TMEM165: variants seen among roughly 807,000 people sequenced by gnomAD.
The protein encoded by TMEM165 is putative divalent cation/proton antiporter TMEM165.
A neutral mutation model predicts 30.0 loss-of-function variants in TMEM165; 19 were observed. The observed-to-expected ratio is 0.63, with a 90% confidence interval of 0.44 to 0.93. TMEM165 has a LOEUF of 0.93. Ranked by LOEUF, TMEM165 falls within the 40% of genes least tolerant of loss-of-function variation. The pLI is 0.00. For synonymous variants in TMEM165, 168 were observed against 162.9 expected, an observed-to-expected ratio of 1.03 and a Z score of -0.24; for missense variants, 340 against 417.0, an observed-to-expected ratio of 0.82 and a Z score of 1.61.
In TMEM165 at chr4:55,424,637, A is replaced by G. The variant is rs1310344895; in HGVS notation, c.892A>G (p.Arg298Gly). ...GRMIAQKISVRTVTIIGGIVF... is the reference protein window; with the variant it reads ...GRMIAQKISVGTVTIIGGIVF... The stretch of plus-strand genomic sequence containing the variant: ...AATGATAGCACAGAAAATCTCTGTC[A>G]GAACTGGTAAGTCTTGAAAATTACA... The change falls in exon 5 of 6, where the codon AGA (arginine) becomes GGA (glycine). Residue 298 changes from arginine (R) to glycine (G), a missense_variant. Arg to Gly is a moderately radical substitution (Grantham distance 125). This residue lies in a region of TMEM165 where 220 missense variants were observed against 307.6 expected (regional missense o/e 0.72). Coordinates refer to ENST00000381334, the MANE Select transcript of TMEM165 (RefSeq NM_018475.5). The G allele has an allele frequency of 6.3e-7, 1 of 1,590,216 alleles. No individual in the cohort carries two copies. The highest frequency in any genetic ancestry group is 2.2e-5 in the East Asian group (1 of 44,790).
chr4:55,443,660 A>G, intron 3 of TMEM165: 2 of 1,575,016 alleles, frequency 1.3e-6, no homozygotes, highest in Non-Finnish European at 1.7e-6. Flanking sequence ...TGATCACTCC[A>G]TAGCCCGCTG....
intron 1 of TMEM165, among the ~76,000 whole-genome samples, chr4:55,401,554 A>G (rs1389823316): frequency 6.6e-6 from 1 of 150,504 alleles, no homozygotes; most frequent in Non-Finnish European, 1.5e-5. Context: ...TTGTTATCAT[A>G]TTTTTACTTT....
intron 3 of TMEM165, chr4:55,442,176 G>T: frequency 4.4e-6 from 2 of 458,612 alleles, no homozygotes; most frequent in South Asian, 2.6e-5. Context: ...TTTTCTAACA[G>T]TGTGCTGCAG....
rs535127611 is a variant in TMEM165, at chr4:55,419,728, A to G, written c.792+1743A>G. On this transcript the variant is annotated intron_variant, in intron 4 of 5. Transcript: ENST00000381334. ...CAGATTCTCTTTTTATAAGAGTAAA[A>G]TTGTTTCTAATTCCTTGGAACTATC... Among the ~76,000 whole-genome samples the G allele has an allele frequency of 3.9e-5, 6 of 152,094 alleles. No homozygotes were observed. In the South Asian group the frequency reaches 1.2e-3, roughly 32 times the overall value.
At chr4:55,413,237 C>G (rs994082391) in intron 2 of TMEM165, among the ~76,000 whole-genome samples, 21 of 152,148 alleles carry the variant, frequency 1.4e-4, no homozygotes, top group Admixed American at 1.2e-3. Context: ...ACCTTAGCCT[C>G]CCAGTGTACT....
At chr4:55,413,997 G>A (rs750185560) in intron 2 of TMEM165, among the ~76,000 whole-genome samples, 71 of 152,218 alleles carry the variant, frequency 4.7e-4, no homozygotes, top group Admixed American at 7.8e-4. Context: ...GGCTGGGCGC[G>A]GTGGCTCACG....
chr4:55,441,708 A>G (rs1723382141), intron 3 of TMEM165, among the ~76,000 whole-genome samples: 1 of 151,974 alleles, frequency 6.6e-6, no homozygotes, highest in Non-Finnish European at 1.5e-5. Flanking sequence ...ACAGAGTGAT[A>G]TAATAGACTT....
chr4:55,409,668 T>C (rs1375675460), intron 1 of TMEM165, among the ~76,000 whole-genome samples: 1 of 152,194 alleles, frequency 6.6e-6, no homozygotes, highest in Non-Finnish European at 1.5e-5. Context: ...GCAAGCATTG[T>C]CAGATGTCCC....
chr4:55,412,393 C>CAA (rs371124857), intron 2 of TMEM165, among the ~76,000 whole-genome samples: 61 of 54,324 alleles, frequency 1.1e-3, no homozygotes, highest in African/African-American at 3.3e-3. Flanking sequence ...GACTCCATCT[C>CAA]AAAAAAAAAA....
intron 3 of TMEM165, among the ~76,000 whole-genome samples, chr4:55,448,599 CGCGTGTGTGT>C (rs1174850362): frequency 0.13 from 13,207 of 105,476 alleles, 808 homozygotes; most frequent in East Asian, 0.37. Flanking sequence ...CGCGCACGCG[CGCGTGTGTGT>C]GTGTGTGTGT....
intron 3 of TMEM165, chr4:55,442,468 G>A: frequency 6.2e-7 from 1 of 1,608,234 alleles, no homozygotes; most frequent in Non-Finnish European, 8.5e-7. Flanking sequence ...AGTTACTGCA[G>A]CACTCTGGGT....
chr4:55,396,940 A>C (rs1382826127), intron 1 of TMEM165, among the ~76,000 whole-genome samples: 3 of 152,260 alleles, frequency 2.0e-5, no homozygotes, highest in Non-Finnish European at 4.4e-5. Context: ...CAGAGGAATT[A>C]GTCTCCGGCA....
intron 3 of TMEM165, among the ~76,000 whole-genome samples, chr4:55,448,601 CGTGT>C (rs3034980): frequency 0.015 from 1,726 of 116,974 alleles, 18 homozygotes; most frequent in Non-Finnish European, 0.021. Context: ...CGCACGCGCG[CGTGT>C]GTGTGTGTGT....
intron 4 of TMEM165, among the ~76,000 whole-genome samples, chr4:55,422,608 G>T (rs1050408150): frequency 2.0e-5 from 3 of 151,830 alleles, no homozygotes; most frequent in African/African-American, 7.3e-5. Context: ...ACCATACATA[G>T]TTCATCAATT....
At chr4:55,413,717 G>T (rs531283915) in intron 2 of TMEM165, among the ~76,000 whole-genome samples, 146 of 152,284 alleles carry the variant, frequency 9.6e-4, no homozygotes, top group Middle Eastern at 3.4e-3. Flanking sequence ...TATAACTTTT[G>T]CCTAGATTCA....
chr4:55,445,577 ATATTCTTTT>A (rs1376789476), intron 3 of TMEM165, among the ~76,000 whole-genome samples: 3 of 72,922 alleles, frequency 4.1e-5, no homozygotes, highest in African/African-American at 1.4e-4. Flanking sequence ...TGCTATTTCT[ATATTCTTTT>A]TTTTTTTTTT....
chr4:55,445,262 TTTTACATACACCTG>T, intron 3 of TMEM165, among the ~76,000 whole-genome samples: 1 of 151,658 alleles, frequency 6.6e-6, no homozygotes, highest in African/African-American at 2.4e-5. Context: ...CATTTCTCAC[TTTTACATACACCTG>T]CCCCGGCAGG....
At chr4:55,453,159 G>A (rs1159261425) in exon 4 of TMEM165, 2 of 1,560,846 alleles carry the variant, frequency 1.3e-6, no homozygotes, top group South Asian at 1.1e-5. Flanking sequence ...TCAAATTTTA[G>A]TGTCTGGTCA....
At chr4:55,421,725 C>G (rs2109561065) in intron 4 of TMEM165, among the ~76,000 whole-genome samples, 1 of 152,342 alleles carries the variant, frequency 6.6e-6, no homozygotes, top group Non-Finnish European at 1.5e-5. Context: ...CACTGCCCGA[C>G]AGCGGGCTTT....
Sources: allele counts gnomAD v4.1 joint callset (sites outside exome capture counted in the v4.1 genomes callset), GRCh38; gene constraint gnomAD v4.1.1; regional missense constraint gnomAD v4.1.1; transcripts MANE v1.5; gene names NCBI Gene and HGNC (gene_info 2026-07-23, HGNC 2026-07-21).